Variants in GRIK4 observed in about 807,000 individuals in gnomAD.
GRIK4 encodes the protein glutamate receptor ionotropic, kainate 4.
A neutral mutation model predicts 104.9 loss-of-function variants in GRIK4; 40 were observed. That is an observed-to-expected ratio of 0.38 (90% CI 0.30 to 0.50). The LOEUF (loss-of-function observed/expected upper bound fraction) is 0.50. GRIK4 is among the 20% of genes least tolerant of loss of function. The probability of loss-of-function intolerance (pLI) is 0.93; values close to 1 mark genes in which losing one functional copy is unlikely to be tolerated. For missense variants in GRIK4, 1,047 were observed against 1,308.1 expected (o/e 0.80, Z 3.08); for synonymous variants, 485 against 524.9 (o/e 0.92, Z 1.04).
chr11:120,889,945 T>C (rs1258580549), intron 11 of GRIK4, among the ~76,000 whole-genome samples: 1 of 152,154 alleles, frequency 6.6e-6, no homozygotes, highest in African/African-American at 2.4e-5. Flanking sequence ...TTGTCACATC[T>C]GTAATTGCCT....
chr11:120,982,285 A>G lies in GRIK4; in HGVS notation c.2514+61A>G, dbSNP rs1168277655. ...CAGATGGGGTGAAGTTCACAGGCTC[A>G]TGCACATATAAGGTTATTTCAGACG... On this transcript the variant is annotated intron_variant, in intron 20 of 20. Transcript: ENST00000527524. 4.5e-6 allele frequency: 4 copies of G among 892,278 alleles called. No individual in the cohort carries two copies. In the African/African-American group the frequency reaches 4.9e-5, roughly 11 times the overall value. 55.3% of individuals were successfully genotyped at this position (892,278 alleles called of 1,614,324 possible).
rs1477758477 is a variant in GRIK4, at chr11:120,837,749, G to A, written c.744+905G>A. Among the ~76,000 whole-genome samples the A allele has an allele frequency of 2.0e-5, 3 of 151,966 alleles. No individual in the cohort carries two copies. In the East Asian group the frequency reaches 5.8e-4, roughly 29 times the overall value. On this transcript the variant is annotated intron_variant, in intron 8 of 20. Coordinates refer to ENST00000527524, the MANE Select transcript of GRIK4 (RefSeq NM_014619.5). ...ATTAATATGTAAAAAGGGAGAAAAG[G>A]ATTAGACTACTCCCAGAGCAAAGCA... is the stretch of plus-strand genomic sequence containing the variant.
At chr11:120,764,837 A>T (rs1368242248) in intron 3 of GRIK4, among the ~76,000 whole-genome samples, 2 of 152,154 alleles carry the variant, frequency 1.3e-5, no homozygotes, top group Non-Finnish European at 2.9e-5. Flanking sequence ...TGTTAGTCTG[A>T]TGGGCTTCCC....
In GRIK4 at chr11:120,861,546, A is replaced by G. The variant is rs115439843; in HGVS notation, c.745-413A>G. Among the ~76,000 whole-genome samples, 693 of 152,170 alleles carry G rather than the reference A, an allele frequency of 4.6e-3. 6 individuals carry two copies. The highest frequency in any genetic ancestry group is 0.016 in the African/African-American group (668 of 41,520). ...GCACTTTCTCAGCTCTGCCCTATAC[A>G]TGGGGATTTCTGGCTGGAGGAGCCT... is the stretch of plus-strand genomic sequence containing the variant. On this transcript the variant is annotated intron_variant, in intron 8 of 20. Transcript: ENST00000527524.
intron 18 of GRIK4, among the ~76,000 whole-genome samples, chr11:120,963,969 T>TTTTTTATTTATTTATG (rs1944337504): frequency 1.8e-5 from 1 of 54,112 alleles, no homozygotes; most frequent in African/African-American, 9.8e-5. Context: ...TCCTATGTTT[T>TTTTTTATTTATTTATG]TATTTATTTA....
intron 1 of GRIK4, among the ~76,000 whole-genome samples, chr11:120,644,044 T>TGAGA (rs944483963): frequency 9.7e-4 from 109 of 112,710 alleles, no homozygotes; most frequent in African/African-American, 3.3e-3. Flanking sequence ...TGTGTGTGTG[T>TGAGA]GAGAGAGAGA....
chr11:120,551,592 C>T (rs1015126593), intron 1 of GRIK4, among the ~76,000 whole-genome samples: 4 of 152,074 alleles, frequency 2.6e-5, no homozygotes, highest in Admixed American at 2.6e-4. Context: ...ACTAGCCTGG[C>T]CAATGTGGCG....
intron 14 of GRIK4, among the ~76,000 whole-genome samples, chr11:120,946,301 G>T (rs147533204): frequency 6.4e-4 from 97 of 152,274 alleles, no homozygotes; most frequent in African/African-American, 2.2e-3. Flanking sequence ...ATCAGACTGC[G>T]CCAGAAGCCA....
rs532505123 is a variant in GRIK4, at chr11:120,874,934, C to T, written c.1060-205C>T. On this transcript the variant is annotated intron_variant, in intron 10 of 20. Transcript: ENST00000527524. ...TTATTGGGGGAGCATTCTTCTCCTACTCCAGGCCAAGCCAAGTCTGAATTG... is the reference window on the plus strand; with the variant it reads ...TTATTGGGGGAGCATTCTTCTCCTATTCCAGGCCAAGCCAAGTCTGAATTG... Among the ~76,000 whole-genome samples the T allele has an allele frequency of 6.6e-5, 10 of 152,314 alleles. No homozygotes were observed. The South Asian group carries it at 2.1e-3, about 32-fold the overall frequency.
intron 1 of GRIK4, among the ~76,000 whole-genome samples, chr11:120,616,182 C>A (rs1591741678): frequency 6.6e-6 from 1 of 151,954 alleles, no homozygotes; most frequent in Admixed American, 6.6e-5. Flanking sequence ...GGAATTGGTG[C>A]ATGGTGGGGA....
At chr11:120,923,324 A>G (rs1943263390) in intron 13 of GRIK4, among the ~76,000 whole-genome samples, 1 of 152,062 alleles carries the variant, frequency 6.6e-6, no homozygotes, top group South Asian at 2.1e-4. Context: ...AAGATGCCAG[A>G]ATCAGGAACA....
At chr11:120,860,735 G>A (rs1245659638) in intron 8 of GRIK4, among the ~76,000 whole-genome samples, 1 of 152,166 alleles carries the variant, frequency 6.6e-6, no homozygotes, top group East Asian at 1.9e-4. Context: ...TGTATCAAGT[G>A]AATGAAAAAA....
At chr11:120,837,273 A>G (rs1447011814) in intron 8 of GRIK4, among the ~76,000 whole-genome samples, 1 of 152,190 alleles carries the variant, frequency 6.6e-6, no homozygotes, top group Non-Finnish European at 1.5e-5. Context: ...GTGTCTATGA[A>G]CAGTCCTTTC....
intron 1 of GRIK4, among the ~76,000 whole-genome samples, chr11:120,543,382 T>C (rs1948055528): frequency 6.6e-6 from 1 of 152,178 alleles, no homozygotes; most frequent in African/African-American, 2.4e-5. Context: ...GAGACCAGCC[T>C]GACCAACATG....
chr11:120,800,428 C>T (rs1190240687), intron 3 of GRIK4, among the ~76,000 whole-genome samples: 6 of 152,194 alleles, frequency 3.9e-5, no homozygotes, highest in Admixed American at 2.0e-4. Context: ...TCTGCTTTCT[C>T]AGTAGCCATC....
intron 5 of GRIK4, among the ~76,000 whole-genome samples, chr11:120,816,095 C>G (rs1952950236): frequency 6.6e-6 from 1 of 152,120 alleles, no homozygotes; most frequent in South Asian, 2.1e-4. Context: ...TCCATTTGCT[C>G]TAGTTCTGTT....
chr11:120,827,148 G>A (rs1447182259), intron 6 of GRIK4, among the ~76,000 whole-genome samples: 1 of 152,178 alleles, frequency 6.6e-6, no homozygotes, highest in Non-Finnish European at 1.5e-5. Context: ...TGTTGAAAGA[G>A]GTGTTTATTT....
At chr11:120,890,465 G>A (rs1955254541) in intron 11 of GRIK4, among the ~76,000 whole-genome samples, 1 of 152,154 alleles carries the variant, frequency 6.6e-6, no homozygotes, top group South Asian at 2.1e-4. Flanking sequence ...AGTTCATGAT[G>A]ATCAGAGAGG....
At chr11:120,580,573 C>CTTTT (rs113719760) in intron 1 of GRIK4, among the ~76,000 whole-genome samples, 1 of 145,742 alleles carries the variant, frequency 6.9e-6, no homozygotes, top group Non-Finnish European at 1.5e-5. Flanking sequence ...GGCCTCCTTT[C>CTTTT]TTTTTTTTTT....
Sources: allele counts gnomAD v4.1 joint callset (sites outside exome capture counted in the v4.1 genomes callset), GRCh38; gene constraint gnomAD v4.1.1; transcripts MANE v1.5; gene names NCBI Gene and HGNC (gene_info 2026-07-23, HGNC 2026-07-21).